Variants in IQCB1 observed in about 807,000 individuals in gnomAD.
IQCB1 encodes IQ motif containing B1.
A neutral mutation model predicts 84.4 loss-of-function variants in IQCB1; 56 were observed. The ratio of observed to expected loss-of-function variants is 0.66; its 90% CI spans 0.54 to 0.83. IQCB1 has a LOEUF of 0.83. Among genes scored for constraint, IQCB1 ranks in the 40% least tolerant of loss-of-function variants. The probability of loss-of-function intolerance (pLI) is 0.00; values close to 1 mark genes in which losing one functional copy is unlikely to be tolerated. For missense variants in IQCB1, 629 were observed against 682.1 expected, an observed-to-expected ratio of 0.92 and a Z score of 0.87; for synonymous variants, 210 against 234.8, an observed-to-expected ratio of 0.89 and a Z score of 0.96.
intron 2 of IQCB1, among the ~76,000 whole-genome samples, chr3:121,831,862 A>T (rs1309356077): frequency 6.6e-6 from 1 of 152,236 alleles, no homozygotes; most frequent in Non-Finnish European, 1.5e-5. Flanking sequence ...GGCACATAGT[A>T]GTCACAAAAC....
At position 121,788,284 on chromosome 3, in the gene IQCB1, T is replaced by C. The variant is rs1266933345; in HGVS notation, c.1278A>G (p.Ala426=). The change falls in exon 12 of 15, where the codon GCA becomes GCG. Residue 426 remains alanine (A), a splice_region_variant and synonymous_variant. Transcript: ENST00000310864. ...GCTCTTTTCACTACATTAGACTCAC[T>C]GCTCTTTGAAGTGTGACAGCTGCTT... ...EYKAAVTLQR[A]ALKFLAKCRK... 3.7e-6 allele frequency: 6 copies of C among 1,613,802 alleles called. No homozygotes were observed. The highest frequency in any genetic ancestry group is 5.1e-6 in the Non-Finnish European group (6 of 1,179,904).
At position 121,829,357 on chromosome 3, in the gene IQCB1, T is replaced by C. The variant is rs558000968; in HGVS notation, c.-12-385A>G. Among the ~76,000 whole-genome samples, 8 of 152,336 alleles carry C rather than the reference T, an allele frequency of 5.3e-5. No individual in the cohort carries two copies. In the South Asian group the frequency reaches 1.4e-3, roughly 28 times the overall value. On this transcript the variant is annotated intron_variant, in intron 2 of 14. Coordinates refer to ENST00000310864, the MANE Select transcript of IQCB1 (RefSeq NM_001023570.4). Reference sequence around the variant, plus strand: ...TAACATGACAGGCCTAAGACTACTATACTTTCAAAGGTGTGCTTACAAGGT... The same window carrying C: ...TAACATGACAGGCCTAAGACTACTACACTTTCAAAGGTGTGCTTACAAGGT...
intron 5 of IQCB1, among the ~76,000 whole-genome samples, chr3:121,824,097 T>C (rs186353197): frequency 1.8e-4 from 28 of 152,384 alleles, no homozygotes; most frequent in African/African-American, 6.5e-4. Context: ...AGACTCATTT[T>C]AAGTATAAGA....
At chr3:121,771,020 G>A (rs918501191) in intron 14 of IQCB1, among the ~76,000 whole-genome samples, 2 of 152,126 alleles carry the variant, frequency 1.3e-5, no homozygotes, top group South Asian at 2.1e-4. Flanking sequence ...TGCCCAGGCT[G>A]GAATGCCATG....
intron 10 of IQCB1, among the ~76,000 whole-genome samples, chr3:121,795,119 T>C (rs1205867696): frequency 1.3e-5 from 2 of 152,120 alleles, no homozygotes; most frequent in East Asian, 1.9e-4. Context: ...CGCATACATG[T>C]TATTGTTATA....
chr3:121,805,883 G>A (rs1665698534), intron 7 of IQCB1, among the ~76,000 whole-genome samples: 1 of 152,070 alleles, frequency 6.6e-6, no homozygotes, highest in Non-Finnish European at 1.5e-5. Flanking sequence ...TCTGACTTGT[G>A]AACTCTAGTT....
intron 5 of IQCB1, among the ~76,000 whole-genome samples, chr3:121,824,435 T>C (rs934438242): frequency 6.6e-6 from 1 of 152,114 alleles, no homozygotes; most frequent in African/African-American, 2.4e-5. Flanking sequence ...TGAACCACTA[T>C]TGGCCATGGG....
chr3:121,781,752 T>G lies in IQCB1; in HGVS notation c.1401A>C (p.Arg467Ser). ...ELKKRVDDYV[R>S]RHLGSPMSDV... Reference sequence around the variant, plus strand: ...TACAGAAGCTTCATACCAAATGTCTTCTGACATAGTCATCCACTCGTTTCT... The same window carrying G: ...TACAGAAGCTTCATACCAAATGTCTGCTGACATAGTCATCCACTCGTTTCT... The change falls in exon 13 of 15, where the codon AGA becomes AGC. Residue 467 changes from arginine to serine, a missense_variant. Physicochemically the swap from Arg to Ser is moderately radical, Grantham distance 110. Transcript: ENST00000310864. 1 of 1,613,504 alleles carries G rather than the reference T, an allele frequency of 6.2e-7. No homozygotes were observed. The highest frequency in any genetic ancestry group is 1.3e-5 in the African/African-American group (1 of 75,034).
chr3:121,799,055 TCTGAA>T, intron 8 of IQCB1, 136 bp downstream of exon 8: 2 of 622,814 alleles, frequency 3.2e-6, no homozygotes, highest in Non-Finnish European at 5.7e-6. Context: ...CTTTTTTTTT[TCTGAA>T]TTGGTATCTG....
intron 2 of IQCB1, among the ~76,000 whole-genome samples, chr3:121,833,774 T>C (rs1259684202): frequency 2.6e-5 from 4 of 152,106 alleles, no homozygotes; most frequent in Non-Finnish European, 1.5e-5. Flanking sequence ...GTAAACAAAA[T>C]AGCAATTCCT....
intron 10 of IQCB1, among the ~76,000 whole-genome samples, chr3:121,791,898 CT>C (rs1332109114): frequency 1.3e-5 from 2 of 152,094 alleles, no homozygotes; most frequent in Non-Finnish European, 2.9e-5. Context: ...TGAGACCAGC[CT>C]GGCCAACATA....
chr3:121,788,185 G>C, intron 12 of IQCB1, 99 bp downstream of exon 12: 2 of 1,204,276 alleles, frequency 1.7e-6, no homozygotes, highest in Non-Finnish European at 2.5e-6. Flanking sequence ...AAAACTAAGT[G>C]TCTTGACCAA....
chr3:121,770,253 G>A lies in IQCB1; in HGVS notation c.*92C>T. ...GAGGAGAACCTCTGGAAAATAATAA[G>A]TTAGGATGGCCCTAGTCTACCAGCA... On this transcript the variant is annotated 3_prime_UTR_variant, in exon 15 of 15. Transcript: ENST00000310864. 1.2e-6 allele frequency: 1 copy of A among 825,038 alleles called. No homozygotes were observed. The highest frequency in any genetic ancestry group is 2.0e-6 in the Non-Finnish European group (1 of 491,876). 51.1% of individuals were successfully genotyped at this position (825,038 alleles called of 1,614,324 possible). A position where few individuals can be genotyped will look rare whatever the true frequency, so the allele number is the denominator to read the frequency against.
chr3:121,834,279 T>C (rs1487664116), intron 2 of IQCB1, 112 bp downstream of exon 2: 1 of 152,238 alleles, frequency 6.6e-6, no homozygotes, highest in Non-Finnish European at 1.5e-5. Flanking sequence ...GGAAACCATC[T>C]GTAAACTTTC....
intron 5 of IQCB1, among the ~76,000 whole-genome samples, chr3:121,824,512 G>A (rs1950392677): frequency 6.6e-6 from 1 of 151,876 alleles, no homozygotes; most frequent in Non-Finnish European, 1.5e-5. Flanking sequence ...TAAGAAAACT[G>A]GAGTGGCAAT....
chr3:121,789,875 A>T lies in IQCB1; in HGVS notation c.1129+198T>A, dbSNP rs1041618104. Among the ~76,000 whole-genome samples, 4 of 152,226 alleles carry T rather than the reference A, an allele frequency of 2.6e-5. No individual in the cohort carries two copies. The South Asian group carries it at 8.3e-4, about 31-fold the overall frequency. ...AAAAAAACTGGTGGGGAGATTGTTC[A>T]TCGTCAACTAATAGGTCTGAATTGA... is the stretch of plus-strand genomic sequence containing the variant. On this transcript the variant is annotated intron_variant, in intron 11 of 14. Transcript: ENST00000310864.
In IQCB1 at chr3:121,826,186, A is replaced by G; in HGVS notation, c.264-6T>C. 1 of 1,613,714 alleles carries G rather than the reference A, an allele frequency of 6.2e-7. No individual in the cohort carries two copies. Among genetic ancestry groups the G allele is most frequent in the Non-Finnish European group, 8.5e-7 (1 of 1,179,698 alleles). On this transcript the variant is annotated splice_polypyrimidine_tract_variant and splice_region_variant and intron_variant, in intron 4 of 14. Coordinates refer to ENST00000310864, the MANE Select transcript of IQCB1 (RefSeq NM_001023570.4). ...CCAAGCCCACACAGCAATGGCTGAAATAAGAGCACAAGTTCGTGTTAATTA... is the reference window on the plus strand; with the variant it reads ...CCAAGCCCACACAGCAATGGCTGAAGTAAGAGCACAAGTTCGTGTTAATTA...
intron 5 of IQCB1, 47 bp from the exon 6 acceptor site, chr3:121,809,056 CTT>C (rs35072741): frequency 2.2e-3 from 1,989 of 884,802 alleles, no homozygotes; most frequent in Non-Finnish European, 2.5e-3. Context: ...AGTTTTTTTC[CTT>C]TTTTTTTTTT....
chr3:121,794,658 C>G (rs1272362565), intron 10 of IQCB1, among the ~76,000 whole-genome samples: 1 of 152,126 alleles, frequency 6.6e-6, no homozygotes, highest in Non-Finnish European at 1.5e-5. Flanking sequence ...CTAAGAGACA[C>G]AGTTAGCTAG....
Sources: gnomAD v4.1 joint callset for allele counts (sites outside exome capture counted in the v4.1 genomes callset) on GRCh38, gnomAD v4.1.1 for gene constraint, MANE v1.5 for transcripts, NCBI Gene and HGNC (gene_info 2026-07-23, HGNC 2026-07-21) for gene names.